The following MARCHF1 variants were observed in gnomAD, a reference collection of about 807,000 sequenced individuals.
The protein encoded by MARCHF1 is membrane associated ring-CH-type finger 1, also known as E3 ubiquitin-protein ligase MARCHF1.
Under a neutral mutation model 54.2 loss-of-function variants are expected in MARCHF1, and 40 were observed. The observed-to-expected ratio is 0.74, with a 90% CI of 0.57 to 0.96. The LOEUF (loss-of-function observed/expected upper bound fraction) is 0.96, where lower values mean the gene tolerates loss of function less well. MARCHF1 is among the 40% of genes least tolerant of loss of function. MARCHF1 has a pLI of 0.00. For missense variants in MARCHF1, 586 were observed against 656.5 expected, an observed-to-expected ratio of 0.89 and a Z score of 1.17; for synonymous variants, 236 against 236.3, an observed-to-expected ratio of 1.00 and a Z score of 0.01.
At chr4:163,844,535 G>A (rs139533004) in intron 4 of MARCHF1, among the ~76,000 whole-genome samples, 1 of 152,148 alleles carries the variant, frequency 6.6e-6, no homozygotes, top group East Asian at 1.9e-4. Flanking sequence ...TAAGGATTGT[G>A]TCTTTAAAAA....
intron 5 of MARCHF1, among the ~76,000 whole-genome samples, chr4:163,637,876 A>C (rs1361382715): frequency 1.3e-4 from 19 of 151,380 alleles, no homozygotes; most frequent in Middle Eastern, 3.2e-3. Flanking sequence ...GGATTAAGAA[A>C]ATGTGGCACA....
At chr4:164,227,439 A>AT (rs1310787347) in intron 1 of MARCHF1, among the ~76,000 whole-genome samples, 20 of 152,072 alleles carry the variant, frequency 1.3e-4, no homozygotes, top group Non-Finnish European at 2.9e-5. Context: ...GAGCCAAACC[A>AT]TATCAAAGGC....
At chr4:164,279,601 C>A (rs1232538829) in intron 1 of MARCHF1, among the ~76,000 whole-genome samples, 2 of 151,590 alleles carry the variant, frequency 1.3e-5, no homozygotes, top group Non-Finnish European at 3.0e-5. Flanking sequence ...CTGATTTGAT[C>A]ATTGGACATT....
chr4:163,801,113 A>G (rs993823986), intron 4 of MARCHF1, among the ~76,000 whole-genome samples: 5 of 152,104 alleles, frequency 3.3e-5, no homozygotes, highest in African/African-American at 1.2e-4. Flanking sequence ...ATTCTTAAAG[A>G]ATTGGTGATA....
intron 4 of MARCHF1, among the ~76,000 whole-genome samples, chr4:163,830,747 C>T (rs1005962720): frequency 3.3e-5 from 5 of 151,328 alleles, no homozygotes; most frequent in African/African-American, 9.7e-5. Flanking sequence ...ACCCCAGTCT[C>T]TAAAAAAAGA....
At chr4:164,142,507 C>A (rs1055087924) in intron 1 of MARCHF1, among the ~76,000 whole-genome samples, 4 of 152,208 alleles carry the variant, frequency 2.6e-5, no homozygotes, top group East Asian at 1.9e-4. Flanking sequence ...CAAGTGGGTC[C>A]CTGACCCCTG....
At chr4:163,662,557 G>A (rs1743378891) in intron 5 of MARCHF1, among the ~76,000 whole-genome samples, 1 of 151,894 alleles carries the variant, frequency 6.6e-6, no homozygotes, top group African/African-American at 2.4e-5. Flanking sequence ...TGCGGCTTTA[G>A]TTGTCTCTAC....
Position 163,623,522 on chromosome 4 carries a change from A to G in MARCHF1, c.163-10129T>C, listed in dbSNP as rs113214513. Among the ~76,000 whole-genome samples, 60 of 152,284 alleles carry G rather than the reference A, an allele frequency of 3.9e-4. 1 individual carries two copies. The highest frequency in any genetic ancestry group is 1.4e-3 in the African/African-American group (58 of 41,564). On this transcript the variant is annotated intron_variant, in intron 5 of 9. Coordinates refer to ENST00000514618, the MANE Select transcript of MARCHF1 (RefSeq NM_001394959.1). ...CTATGAGAATCCACGTTTCTTGCAC[A>G]AGCCTAAATGGGACGGCGTTAACAC...
At position 164,180,229 on chromosome 4, in the gene MARCHF1, C is replaced by G. The variant is rs199951305; in HGVS notation, c.-322-68567G>C. Among the ~76,000 whole-genome samples the G allele has an allele frequency of 5.4e-3, 828 of 151,980 alleles. 10 individuals carry two copies. Among genetic ancestry groups the G allele is most frequent in the African/African-American group, 0.019 (802 of 41,464 alleles). Reference sequence around the variant, plus strand: ...AGGAATTTATATTGAATTATGGCTTCTGCACTGATAATTTTATTGGATGTA... The same window carrying G: ...AGGAATTTATATTGAATTATGGCTTGTGCACTGATAATTTTATTGGATGTA... On this transcript the variant is annotated intron_variant, in intron 1 of 9. Transcript: ENST00000514618.
chr4:163,603,327 TATG>T (rs1741034116), intron 7 of MARCHF1, among the ~76,000 whole-genome samples: 2 of 150,702 alleles, frequency 1.3e-5, no homozygotes, highest in South Asian at 4.2e-4. Context: ...CTAAATGTTT[TATG>T]ATACCACTCC....
chr4:163,957,043 T>C (rs1261145791), intron 3 of MARCHF1, among the ~76,000 whole-genome samples: 1 of 152,038 alleles, frequency 6.6e-6, no homozygotes, highest in African/African-American at 2.4e-5. Context: ...TTAAATTAAT[T>C]ACTATTTTTA....
chr4:164,156,451 TCTCA>T (rs917104879), intron 1 of MARCHF1, among the ~76,000 whole-genome samples: 4 of 152,158 alleles, frequency 2.6e-5, no homozygotes, highest in African/African-American at 7.2e-5. Context: ...GGAGACAGGG[TCTCA>T]CTCTGTTGCT....
chr4:164,192,776 G>A (rs1050177881), intron 1 of MARCHF1, among the ~76,000 whole-genome samples: 2 of 152,142 alleles, frequency 1.3e-5, no homozygotes, highest in African/African-American at 2.4e-5. Context: ...AGTTAGGCAT[G>A]CCAGAAAGTC....
intron 4 of MARCHF1, among the ~76,000 whole-genome samples, chr4:163,795,478 C>T (rs1036260156): frequency 2.6e-5 from 4 of 152,212 alleles, no homozygotes; most frequent in Non-Finnish European, 5.9e-5. Context: ...AATCCACCTG[C>T]CTTGGCCTCC....
At chr4:164,004,683 C>CA (rs1216052801) in intron 2 of MARCHF1, among the ~76,000 whole-genome samples, 1 of 151,696 alleles carries the variant, frequency 6.6e-6, no homozygotes, top group Non-Finnish European at 1.5e-5. Context: ...AAATCACTAA[C>CA]AAAAAAGTCT....
At chr4:164,282,027 T>C (rs1323332510) in intron 1 of MARCHF1, among the ~76,000 whole-genome samples, 1 of 150,974 alleles carries the variant, frequency 6.6e-6, no homozygotes, top group Non-Finnish European at 1.5e-5. Flanking sequence ...CACTCTACCC[T>C]ATAGACCTCT....
intron 2 of MARCHF1, among the ~76,000 whole-genome samples, chr4:164,001,246 C>T (rs993178229): frequency 5.9e-5 from 9 of 151,528 alleles, no homozygotes; most frequent in Admixed American, 4.6e-4. Flanking sequence ...TCTCTTGTGG[C>T]CTATATATCA....
At chr4:163,795,262 T>A (rs889191273) in intron 4 of MARCHF1, among the ~76,000 whole-genome samples, 1 of 152,152 alleles carries the variant, frequency 6.6e-6, no homozygotes, top group Non-Finnish European at 1.5e-5. Flanking sequence ...GAAGTCTCAC[T>A]CTTGTTGCCC....
rs1468577617 is a variant in MARCHF1 at position 163,527,064 on chromosome 4, G to A, written c.*1684C>T. The A allele has an allele frequency of 6.6e-6, 1 of 151,486 alleles. No homozygotes were observed. Among genetic ancestry groups the A allele is most frequent in the Non-Finnish European group, 1.5e-5 (1 of 67,828 alleles). 9.4% of individuals were successfully genotyped at this position (151,486 alleles called of 1,614,324 possible). Reference sequence around the variant, plus strand: ...TTGTGCAGTGTGATACTCATGCTTTGGTTCTTATGGCCATCATTGCCTTTT... The same window carrying A: ...TTGTGCAGTGTGATACTCATGCTTTAGTTCTTATGGCCATCATTGCCTTTT... On this transcript the variant is annotated 3_prime_UTR_variant, in exon 10 of 10. Coordinates refer to ENST00000514618, the MANE Select transcript of MARCHF1 (RefSeq NM_001394959.1).
Sources: allele counts gnomAD v4.1 joint callset (sites outside exome capture counted in the v4.1 genomes callset), GRCh38; gene constraint gnomAD v4.1.1; transcripts MANE v1.5; gene names NCBI Gene and HGNC (gene_info 2026-07-23, HGNC 2026-07-21).